ARPC1A: variants seen among roughly 807,000 people sequenced by gnomAD.
The protein encoded by ARPC1A is actin-related protein 2/3 complex subunit 1A.
Under a neutral mutation model 46.9 loss-of-function variants are expected in ARPC1A, and 8 were observed. That is an observed-to-expected ratio of 0.17 (90% confidence interval 0.10 to 0.31). ARPC1A has a LOEUF of 0.31. Among genes scored for constraint, ARPC1A ranks in the 10% least tolerant of loss-of-function variants. ARPC1A has a pLI of 1.00. For synonymous variants in ARPC1A, 152 were observed against 169.0 expected, an observed-to-expected ratio of 0.90 and a Z score of 0.78; for missense variants, 286 against 483.6, an observed-to-expected ratio of 0.59 and a Z score of 3.83.
At chr7:99,338,782 G>A (rs1584377155) in intron 3 of ARPC1A, among the ~76,000 whole-genome samples, 1 of 152,146 alleles carries the variant, frequency 6.6e-6, no homozygotes, top group East Asian at 1.9e-4. Context: ...TGTGGCCCCA[G>A]CTGGTACCCA....
chr7:99,332,195 G>A (rs1793153972), intron 1 of ARPC1A, among the ~76,000 whole-genome samples: 1 of 152,182 alleles, frequency 6.6e-6, no homozygotes, highest in African/African-American at 2.4e-5. Context: ...TCATTGGTAG[G>A]TTGACCATAT....
intron 6 of ARPC1A, 119 bp from the exon 7 acceptor site, chr7:99,358,221 A>G: frequency 1.1e-6 from 1 of 941,982 alleles, no homozygotes; most frequent in East Asian, 2.6e-5. Context: ...CCTTTTCAAC[A>G]TAAGTGCCCA....
At chr7:99,328,578 G>A (rs147276844) in intron 1 of ARPC1A, among the ~76,000 whole-genome samples, 184 of 152,242 alleles carry the variant, frequency 1.2e-3, no homozygotes, top group Admixed American at 2.2e-3. Flanking sequence ...CAAAAGCCAG[G>A]GTTCAAACCC....
rs1793700749 is a variant in ARPC1A at position 99,359,464 on chromosome 7, G to T, written c.790-81G>T. ...AAAAAAAAAAAAAAAGAGTAAGAGA[G>T]GCCTGTCGTGGTGAACACTCTGCCA... On this transcript the variant is annotated intron_variant, in intron 7 of 9. Coordinates refer to ENST00000262942, the MANE Select transcript of ARPC1A (RefSeq NM_006409.4). 10 of 1,374,390 alleles carry T rather than the reference G, an allele frequency of 7.3e-6. No individual in the cohort carries two copies. The Admixed American group carries it at 1.1e-4, about 15-fold the overall frequency. The allele number at this position is 1,374,390 out of a possible 1,614,324, so 85.1% of individuals were successfully genotyped here.
At position 99,331,746 on chromosome 7, in the gene ARPC1A, C is replaced by A. The variant is rs529483084; in HGVS notation, c.-29-1579C>A. ...CCAGCCTGGCCAACATGGTGAAAGT[C>A]CATCTCTACTAAAAATACAAAAATT... On this transcript the variant is annotated intron_variant, in intron 1 of 9. Coordinates refer to ENST00000262942, the MANE Select transcript of ARPC1A (RefSeq NM_006409.4). Among the ~76,000 whole-genome samples the A allele has an allele frequency of 3.9e-5, 6 of 152,072 alleles. No individual in the cohort carries two copies. The East Asian group carries it at 1.2e-3, about 30-fold the overall frequency.
intron 3 of ARPC1A, among the ~76,000 whole-genome samples, 160 bp downstream of exon 3, chr7:99,338,445 G>T (rs1024211346): frequency 6.9e-6 from 1 of 143,912 alleles, no homozygotes; most frequent in African/African-American, 2.7e-5. Flanking sequence ...GACTGCAATG[G>T]CGCAATCTCG....
In ARPC1A at chr7:99,359,587, G is replaced by A. The variant is rs576410572; in HGVS notation, c.832G>A (p.Gly278Ser). The change falls in exon 8 of 10, where the codon GGC (glycine) becomes AGC (serine). Residue 278 changes from glycine (G) to serine (S), a missense_variant. Coordinates refer to ENST00000262942, the MANE Select transcript of ARPC1A (RefSeq NM_006409.4). ...CPMLFNYDDR[G>S]CLTFVSKLDI... Reference sequence around the variant, plus strand: ...AATGCTCTTTAACTACGATGACCGCGGCTGCCTGACCTTCGTCTCCAAGTT... The same window carrying A: ...AATGCTCTTTAACTACGATGACCGCAGCTGCCTGACCTTCGTCTCCAAGTT... The A allele has an allele frequency of 6.2e-6, 10 of 1,614,146 alleles. No individual in the cohort carries two copies. Among genetic ancestry groups the A allele is most frequent in the East Asian group, 2.2e-5 (1 of 44,870 alleles).
chr7:99,353,857 A>G, intron 5 of ARPC1A, 52 bp from the exon 6 acceptor site: 1 of 1,555,044 alleles, frequency 6.4e-7, no homozygotes, highest in Non-Finnish European at 8.8e-7. Context: ...GCCTGTTTCT[A>G]TATACATATA....
Position 99,348,845 on chromosome 7 carries a change from C to G in ARPC1A, c.393-7C>G, listed in dbSNP as rs367872380. The G allele has an allele frequency of 2.4e-5, 39 of 1,612,520 alleles. No individual in the cohort carries two copies. The highest frequency in any genetic ancestry group is 3.0e-5 in the Non-Finnish European group (35 of 1,179,008). ...GGATAAACTGAAACAGTTTTCCCCT[C>G]TCATAGGTGGGTGAGCAAGCACATT... On this transcript the variant is annotated splice_region_variant and splice_polypyrimidine_tract_variant and intron_variant, in intron 4 of 9. Coordinates refer to ENST00000262942, the MANE Select transcript of ARPC1A (RefSeq NM_006409.4).
intron 3 of ARPC1A, chr7:99,339,730 T>C (rs1210249598): frequency 3.9e-6 from 1 of 256,792 alleles, no homozygotes; most frequent in African/African-American, 2.2e-5. Flanking sequence ...TATTTACTCC[T>C]TCCTCCACTG....
In ARPC1A at chr7:99,338,173, G is replaced by A. The variant is rs1158901697; in HGVS notation, c.65-8G>A. 6 of 1,592,508 alleles carry A rather than the reference G, an allele frequency of 3.8e-6. No homozygotes were observed. Among genetic ancestry groups the A allele is most frequent in the Non-Finnish European group, 5.2e-6 (6 of 1,161,490 alleles). On this transcript the variant is annotated splice_region_variant and splice_polypyrimidine_tract_variant and intron_variant, in intron 2 of 9. Coordinates refer to ENST00000262942, the MANE Select transcript of ARPC1A (RefSeq NM_006409.4). ...AGGTGTTAACTGTTGTTTGACTTGT[G>A]TCTCCAGAGATTGCCCTCAGTCCCA...
intron 6 of ARPC1A, 117 bp from the exon 7 acceptor site, chr7:99,358,222 TA>T: frequency 1.1e-6 from 1 of 947,126 alleles, no homozygotes; most frequent in Non-Finnish European, 1.6e-6. Context: ...CTTTTCAACA[TA>T]AGTGCCCATT....
At chr7:99,357,897 C>T (rs1562802590) in intron 6 of ARPC1A, among the ~76,000 whole-genome samples, 1 of 152,214 alleles carries the variant, frequency 6.6e-6, no homozygotes, top group Non-Finnish European at 1.5e-5. Context: ...GGTCACAGCC[C>T]TCTCGGAGCT....
At chr7:99,363,694 G>A in intron 9 of ARPC1A, 61 bp downstream of exon 9, 1 of 1,094,194 alleles carries the variant, frequency 9.1e-7, no homozygotes, top group South Asian at 1.5e-5. Context: ...TTTTTTTTAA[G>A]AGATAGGCTC....
At chr7:99,349,318 C>T (rs1309683860) in intron 5 of ARPC1A, among the ~76,000 whole-genome samples, 2 of 152,088 alleles carry the variant, frequency 1.3e-5, no homozygotes, top group East Asian at 1.9e-4. Flanking sequence ...CCTCCTTGGC[C>T]TCCTGAAGTG....
intron 2 of ARPC1A, chr7:99,335,546 A>C (rs915021492): frequency 1.4e-5 from 4 of 294,708 alleles, no homozygotes; most frequent in African/African-American, 9.3e-5. Flanking sequence ...TATTTTGGTT[A>C]TTGTGTCGCT....
At position 99,352,393 on chromosome 7, in the gene ARPC1A, A is replaced by T. The variant is rs115721334; in HGVS notation, c.501-1516A>T. 4.1e-3 allele frequency among the ~76,000 whole-genome samples: 617 copies of T among 152,268 alleles called. 2 individuals are homozygous for T. The highest frequency in any genetic ancestry group is 0.014 in the African/African-American group (590 of 41,566). ...ATGGATTAGCTAGGCGCAGTGGCAC[A>T]CATCTGTAATCCCAGCACTTTGGGA... On this transcript the variant is annotated intron_variant, in intron 5 of 9. Coordinates refer to ENST00000262942, the MANE Select transcript of ARPC1A (RefSeq NM_006409.4).
intron 9 of ARPC1A, among the ~76,000 whole-genome samples, chr7:99,365,057 C>T (rs1262887455): frequency 6.6e-6 from 1 of 152,134 alleles, no homozygotes. Context: ...GCTGCAAGTG[C>T]AGCACACCCA....
At chr7:99,348,400 C>G (rs1793495937) in intron 4 of ARPC1A, among the ~76,000 whole-genome samples, 1 of 152,168 alleles carries the variant, frequency 6.6e-6, no homozygotes, top group African/African-American at 2.4e-5. Context: ...CTTTTCCTTT[C>G]TGTCCTTTAG....
Sources: allele counts gnomAD v4.1 joint callset (sites outside exome capture counted in the v4.1 genomes callset), GRCh38; gene constraint gnomAD v4.1.1; transcripts MANE v1.5; gene names NCBI Gene and HGNC (gene_info 2026-07-23, HGNC 2026-07-21).